Variants in CLVS1 observed in about 807,000 individuals in gnomAD.
CLVS1 encodes clavesin 1.
Under a neutral mutation model 33.1 loss-of-function variants are expected in CLVS1, and 10 were observed. The observed-to-expected ratio is 0.30, with a 90% confidence interval of 0.19 to 0.51. The LOEUF is 0.51. Ranked by LOEUF, CLVS1 falls within the 20% of genes least tolerant of loss-of-function variation. CLVS1 has a pLI of 0.97. For synonymous variants in CLVS1, 163 were observed against 166.1 expected (o/e 0.98, Z 0.14); for missense variants, 343 against 433.4 (o/e 0.79, Z 1.85).
chr8:61,464,527 C>T (rs1222762013), intron 5 of CLVS1: 1 of 152,120 alleles, frequency 6.6e-6, no homozygotes, highest in Non-Finnish European at 1.5e-5. Flanking sequence ...AGAGGCACTA[C>T]AAAGGAGGAG....
At chr8:61,127,390 T>G (rs1805997267) in intron 1 of CLVS1, among the ~76,000 whole-genome samples, 1 of 152,154 alleles carries the variant, frequency 6.6e-6, no homozygotes, top group South Asian at 2.1e-4. Context: ...GGGCTAATTT[T>G]GTATTTTTAG....
chr8:61,462,696 G>A (rs78914055), intron 5 of CLVS1, among the ~76,000 whole-genome samples: 24 of 152,218 alleles, frequency 1.6e-4, no homozygotes, highest in African/African-American at 5.1e-4. Flanking sequence ...AGTAAGTCTC[G>A]TCAGTAGACT....
At chr8:61,481,395 G>C (rs1818189659) in intron 5 of CLVS1, among the ~76,000 whole-genome samples, 1 of 151,752 alleles carries the variant, frequency 6.6e-6, no homozygotes, top group African/African-American at 2.4e-5. Flanking sequence ...AGAATAGAGT[G>C]GGGCATCACC....
chr8:61,077,615 A>G (rs1804945057), intron 1 of CLVS1, among the ~76,000 whole-genome samples: 1 of 152,086 alleles, frequency 6.6e-6, no homozygotes, highest in Admixed American at 6.6e-5. Context: ...AGCTGGGATT[A>G]CAAGCGTGCA....
At chr8:61,499,301 G>A (rs1446915802) in intron 5 of CLVS1, among the ~76,000 whole-genome samples, 154 bp from the exon 6 acceptor site, 2 of 152,150 alleles carry the variant, frequency 1.3e-5, no homozygotes, top group Non-Finnish European at 2.9e-5. Flanking sequence ...TCAGCCTCCT[G>A]AATAGCTGGG....
chr8:61,407,570 T>C (rs144245902), intron 3 of CLVS1, among the ~76,000 whole-genome samples: 123 of 152,338 alleles, frequency 8.1e-4, no homozygotes, highest in African/African-American at 2.6e-3. Context: ...ACAACGAATT[T>C]TGTGCAACTG....
At chr8:61,461,661 G>C (rs192446037) in intron 5 of CLVS1, among the ~76,000 whole-genome samples, 1 of 152,070 alleles carries the variant, frequency 6.6e-6, no homozygotes, top group Non-Finnish European at 1.5e-5. Flanking sequence ...GGGTTTTTGA[G>C]GTTTTCCTTT....
intron 2 of CLVS1, among the ~76,000 whole-genome samples, chr8:61,279,976 T>C (rs918433670): frequency 2.1e-5 from 3 of 144,938 alleles, no homozygotes; most frequent in Admixed American, 1.4e-4. Flanking sequence ...ACTTTAAATA[T>C]CTTATTTTAA....
At chr8:61,372,496 C>T (rs538434844) in intron 2 of CLVS1, among the ~76,000 whole-genome samples, 21 of 152,190 alleles carry the variant, frequency 1.4e-4, no homozygotes, top group African/African-American at 4.3e-4. Context: ...CTTCTAATTT[C>T]GTCTATTATT....
chr8:61,315,162 A>C (rs1427826713), intron 2 of CLVS1, among the ~76,000 whole-genome samples: 1 of 152,070 alleles, frequency 6.6e-6, no homozygotes, highest in African/African-American at 2.4e-5. Flanking sequence ...CTTCTCTCTA[A>C]TACTCTCCCC....
chr8:61,294,535 A>C (rs4336607), intron 1 of CLVS1, among the ~76,000 whole-genome samples: 40,126 of 151,978 alleles, frequency 0.26, 7,803 homozygotes, highest in East Asian at 0.84. Context: ...TTTTCCTTTC[A>C]CAAGCAGTTT....
In CLVS1 at chr8:61,203,163, A is replaced by G; in HGVS notation, c.-152+71303A>G. On this transcript the variant is annotated intron_variant, in intron 2 of 2. Transcript: ENST00000522621. The stretch of plus-strand genomic sequence containing the variant: ...GCCAAGTTCATCAATTACGTGAAGA[A>G]TTGCTTCCGGATGACTGACCAAGAG... The G allele has an allele frequency of 7.0e-6, 8 of 1,147,364 alleles. No homozygotes were observed. In the South Asian group the frequency reaches 7.3e-5, roughly 11 times the overall value. 71.1% of individuals were successfully genotyped at this position (1,147,364 alleles called of 1,614,324 possible). A position where few individuals can be genotyped will look rare whatever the true frequency, so the allele number is the denominator to read the frequency against.
At chr8:61,136,349 TGA>T (rs1433688105) in intron 2 of CLVS1, among the ~76,000 whole-genome samples, 2 of 152,214 alleles carry the variant, frequency 1.3e-5, no homozygotes, top group Non-Finnish European at 2.9e-5. Flanking sequence ...CATGATTTTG[TGA>T]TAGAAGTTGA....
In CLVS1 at chr8:61,120,594, C is replaced by G. The variant is rs1233785224; in HGVS notation, c.-242-11176C>G. Among the ~76,000 whole-genome samples, 70 of 112,982 alleles carry G rather than the reference C, an allele frequency of 6.2e-4. 1 individual carries two copies. The highest frequency in any genetic ancestry group is 3.1e-3 in the Admixed American group (38 of 12,142). 74.1% of individuals were successfully genotyped at this position (112,982 alleles called of 152,430 possible). A position where few individuals can be genotyped will look rare whatever the true frequency, so the allele number is the denominator to read the frequency against. On this transcript the variant is annotated intron_variant, in intron 1 of 2. Transcript: ENST00000522621. ...GTTTGTTAGTTTTCCTTCTAACAGACAGGACCCTCAGCTGCAGGTCTGTTG... is the reference window on the plus strand; with the variant it reads ...GTTTGTTAGTTTTCCTTCTAACAGAGAGGACCCTCAGCTGCAGGTCTGTTG...
chr8:61,334,005 A>G (rs1028955429), intron 2 of CLVS1, among the ~76,000 whole-genome samples: 1 of 152,186 alleles, frequency 6.6e-6, no homozygotes, highest in African/African-American at 2.4e-5. Context: ...CTCCAGCTCC[A>G]TCCATGTCCC....
chr8:60,991,839 C>T, the CLVS1 span, among the ~76,000 whole-genome samples: 3 of 151,648 alleles, frequency 2.0e-5, no homozygotes, highest in Non-Finnish European at 4.4e-5. Context: ...CTCCATCTCC[C>T]GGGTTCAAGA....
intron 2 of CLVS1, among the ~76,000 whole-genome samples, chr8:61,254,628 C>A (rs914269895): frequency 1.3e-5 from 2 of 152,146 alleles, no homozygotes; most frequent in African/African-American, 2.4e-5. Context: ...GGCGGGCACC[C>A]CTCCCCCAGC....
intron 2 of CLVS1, among the ~76,000 whole-genome samples, chr8:61,210,629 G>A (rs1372222444): frequency 6.6e-6 from 1 of 152,182 alleles, no homozygotes; most frequent in Non-Finnish European, 1.5e-5. Flanking sequence ...AAACAACCTT[G>A]TGAGCTTGGA....
At chr8:61,115,741 A>C (rs1377028023) in intron 1 of CLVS1, among the ~76,000 whole-genome samples, 303 of 148,810 alleles carry the variant, frequency 2.0e-3, no homozygotes, top group Non-Finnish European at 3.7e-3. Flanking sequence ...TCCATGGTGT[A>C]TATGTGCCAC....
Sources: gnomAD v4.1 joint callset for allele counts (sites outside exome capture counted in the v4.1 genomes callset) on GRCh38, gnomAD v4.1.1 for gene constraint, MANE v1.5 for transcripts, NCBI Gene and HGNC (gene_info 2026-07-23, HGNC 2026-07-21) for gene names.